Variants in NFATC2 observed in about 807,000 individuals in gnomAD.
NFATC2 encodes the protein nuclear factor of activated T-cells, cytoplasmic 2.
Under a neutral mutation model 87.3 loss-of-function variants are expected in NFATC2, and 22 were observed. That is an observed-to-expected ratio of 0.25 (90% CI 0.18 to 0.36). The LOEUF (loss-of-function observed/expected upper bound fraction) is 0.36, where lower values mean the gene tolerates loss of function less well. Ranked by LOEUF, NFATC2 falls within the 10% of genes least tolerant of loss-of-function variation. The pLI is 1.00. For synonymous variants in NFATC2, 565 were observed against 542.2 expected, an observed-to-expected ratio of 1.04 and a Z score of -0.58; for missense variants, 1,149 against 1,259.1, an observed-to-expected ratio of 0.91 and a Z score of 1.32.
chr20:51,415,834 T>C (rs543721853), intron 9 of NFATC2, among the ~76,000 whole-genome samples: 2 of 152,296 alleles, frequency 1.3e-5, no homozygotes, highest in East Asian at 3.9e-4. Context: ...TTTCCCTTTC[T>C]TTCTTGCCAA....
upstream of NFATC2, among the ~76,000 whole-genome samples, chr20:51,546,757 T>C (rs151314078): frequency 2.4e-3 from 368 of 152,286 alleles, 6 homozygotes; most frequent in African/African-American, 8.5e-3. Flanking sequence ...GAGAATGTGT[T>C]ACAGAGCTTA....
chr20:51,478,265 T>C (rs149066719), intron 3 of NFATC2, among the ~76,000 whole-genome samples: 43 of 152,342 alleles, frequency 2.8e-4, no homozygotes, highest in African/African-American at 9.9e-4. Context: ...AAGGGCAGCA[T>C]TGAGAAGAGA....
intron 9 of NFATC2, among the ~76,000 whole-genome samples, chr20:51,430,136 G>C (rs1246687272): frequency 1.3e-5 from 2 of 152,184 alleles, no homozygotes; most frequent in Non-Finnish European, 2.9e-5. Context: ...CTTTAACAAG[G>C]GATGGACAGG....
chr20:51,487,356 C>G (rs1248086022), intron 3 of NFATC2, among the ~76,000 whole-genome samples: 1 of 152,184 alleles, frequency 6.6e-6, no homozygotes, highest in African/African-American at 2.4e-5. Context: ...GGCAGAGAGA[C>G]TATCTGGATA....
chr20:51,550,593 A>AATT (rs1568757221), intron 1 of NFATC2, among the ~76,000 whole-genome samples: 1 of 149,842 alleles, frequency 6.7e-6, no homozygotes, highest in Non-Finnish European at 1.5e-5. Context: ...CTCCATCTCA[A>AATT]ATAATAATAA....
intron 9 of NFATC2, among the ~76,000 whole-genome samples, chr20:51,425,818 C>G (rs116876718): frequency 6.6e-6 from 1 of 152,204 alleles, no homozygotes; most frequent in Non-Finnish European, 1.5e-5. Context: ...CCAGCTTCTG[C>G]GTAGAGCCTT....
intron 3 of NFATC2, among the ~76,000 whole-genome samples, chr20:51,477,746 C>T (rs1458179810): frequency 6.6e-6 from 1 of 151,778 alleles, no homozygotes; most frequent in Non-Finnish European, 1.5e-5. Flanking sequence ...AGACCCCACT[C>T]TTCTCTGGAG....
At chr20:51,493,258 TG>T (rs2075928671) in intron 3 of NFATC2, among the ~76,000 whole-genome samples, 1 of 152,186 alleles carries the variant, frequency 6.6e-6, no homozygotes, top group African/African-American at 2.4e-5. Context: ...TTCATAGAGT[TG>T]CCAGGACCCA....
chr20:51,553,532 G>A (rs1296402149), intron 1 of NFATC2, among the ~76,000 whole-genome samples: 5 of 151,952 alleles, frequency 3.3e-5, no homozygotes, highest in Admixed American at 6.6e-5. Flanking sequence ...AAAATTAGCC[G>A]GGCATGGTGG....
intron 4 of NFATC2, among the ~76,000 whole-genome samples, chr20:51,474,841 T>A (rs550876040): frequency 1.3e-4 from 20 of 152,342 alleles, no homozygotes; most frequent in African/African-American, 4.8e-4. Flanking sequence ...CATCACTTAA[T>A]GATCTCTCTA....
chr20:51,455,490 CT>C, intron 5 of NFATC2, among the ~76,000 whole-genome samples: 1 of 151,736 alleles, frequency 6.6e-6, no homozygotes, highest in Non-Finnish European at 1.5e-5. Context: ...CCCGGTCCCT[CT>C]CTCTCATTCT....
chr20:51,505,637 T>G (rs1010049321), intron 3 of NFATC2, among the ~76,000 whole-genome samples: 2 of 152,242 alleles, frequency 1.3e-5, no homozygotes, highest in Non-Finnish European at 2.9e-5. Flanking sequence ...TTGGCCAAAG[T>G]GCCCAACAGA....
At chr20:51,428,096 G>A (rs1421737738) in intron 9 of NFATC2, among the ~76,000 whole-genome samples, 4 of 148,064 alleles carry the variant, frequency 2.7e-5, no homozygotes, top group African/African-American at 1.1e-4. Context: ...CACAGAGGAA[G>A]GGAGAGAGGG....
intron 9 of NFATC2, among the ~76,000 whole-genome samples, chr20:51,409,054 G>GT (rs2146265535): frequency 6.6e-6 from 1 of 152,346 alleles, no homozygotes; most frequent in South Asian, 2.1e-4. Flanking sequence ...TACCAGCTAA[G>GT]TGAAAAAATT....
intron 9 of NFATC2, 35 bp from the exon 10 acceptor site, chr20:51,398,765 A>AAAAAAAAAATCAC (rs1243507731): frequency 1.6e-6 from 2 of 1,262,890 alleles, no homozygotes; most frequent in Non-Finnish European, 2.2e-6. Flanking sequence ...TTTGAGAAGA[A>AAAAAAAAAATCAC]AAAAAAAAAT....
chr20:51,454,405 C>T, intron 6 of NFATC2, 143 bp downstream of exon 6: 1 of 785,816 alleles, frequency 1.3e-6, no homozygotes, highest in South Asian at 1.9e-5. Context: ...ATCACAATCC[C>T]TGAAGACACG....
chr20:51,542,672 C>A lies in NFATC2; in HGVS notation c.-173G>T. 1 of 1,089,616 alleles carries A rather than the reference C, an allele frequency of 9.2e-7. No individual in the cohort carries two copies. Among genetic ancestry groups the A allele is most frequent in the Non-Finnish European group, 1.1e-6 (1 of 898,784 alleles). The allele number at this position is 1,089,616 out of a possible 1,614,324, so 67.5% of individuals were successfully genotyped here. ...CCTGGCGCAGCGGGTCCTGGACGCGCCCGGGGAAGCTGAGCGGCGGCGGCG... is the reference window on the plus strand; with the variant it reads ...CCTGGCGCAGCGGGTCCTGGACGCGACCGGGGAAGCTGAGCGGCGGCGGCG... On this transcript the variant is annotated 5_prime_UTR_variant, in exon 1 of 11. Coordinates refer to ENST00000371564, the MANE Select transcript of NFATC2 (RefSeq NM_012340.5).
chr20:51,506,284 A>T (rs1437246293), intron 3 of NFATC2, among the ~76,000 whole-genome samples: 1 of 152,252 alleles, frequency 6.6e-6, no homozygotes, highest in Non-Finnish European at 1.5e-5. Context: ...TTCACAGAGC[A>T]GAGGCTGCAT....
At chr20:51,511,913 C>T (rs115886233) in intron 3 of NFATC2, among the ~76,000 whole-genome samples, 3,970 of 152,318 alleles carry the variant, frequency 0.026, 144 homozygotes, top group African/African-American at 0.085. Flanking sequence ...ATCTCCTCAC[C>T]TTGGCTTTTA....
Sources: allele counts gnomAD v4.1 joint callset (sites outside exome capture counted in the v4.1 genomes callset), GRCh38; gene constraint gnomAD v4.1.1; transcripts MANE v1.5; gene names NCBI Gene and HGNC (gene_info 2026-07-23, HGNC 2026-07-21).